Variants in ASAP1 observed in about 807,000 individuals in gnomAD.
ASAP1 encodes ArfGAP with SH3 domain, ankyrin repeat and PH domain 1, also known as arf-GAP with SH3 domain, ANK repeat and PH domain-containing protein 1.
A neutral mutation model predicts 145.2 loss-of-function variants in ASAP1; 43 were observed. The observed-to-expected ratio is 0.30, with a 90% CI of 0.23 to 0.38. ASAP1 has a LOEUF of 0.38. Ranked by LOEUF, ASAP1 falls within the 10% of genes least tolerant of loss-of-function variation. ASAP1 has a pLI of 1.00. For synonymous variants in ASAP1, 546 were observed against 515.5 expected (o/e 1.06, Z -0.80); for missense variants, 1,018 against 1,355.3 (o/e 0.75, Z 3.91).
chr8:130,068,030 TTGGATTCCTATG>T (rs1388326668), intron 27 of ASAP1, among the ~76,000 whole-genome samples: 1 of 152,162 alleles, frequency 6.6e-6, no homozygotes, highest in Middle Eastern at 3.2e-3. Flanking sequence ...TCAGGAATCT[TTGGATTCCTATG>T]TGGCCATGTG....
intron 3 of ASAP1, among the ~76,000 whole-genome samples, chr8:130,354,080 T>C (rs1826160947): frequency 6.6e-6 from 1 of 151,954 alleles, no homozygotes; most frequent in Admixed American, 6.6e-5. Context: ...TTAGTAGAGA[T>C]GGGGTTTCAC....
intron 25 of ASAP1, among the ~76,000 whole-genome samples, chr8:130,090,811 C>T (rs776859986): frequency 6.6e-6 from 1 of 152,144 alleles, no homozygotes; most frequent in East Asian, 1.9e-4. Context: ...ACACATAACC[C>T]GGGGTGTCTG....
intron 3 of ASAP1, among the ~76,000 whole-genome samples, chr8:130,293,047 T>C (rs536416660): frequency 1.3e-5 from 2 of 152,366 alleles, no homozygotes; most frequent in South Asian, 2.1e-4. Context: ...TCAGCCCTAA[T>C]TGGCAGCCCT....
chr8:130,381,343 A>G (rs907831781), intron 2 of ASAP1, among the ~76,000 whole-genome samples: 2 of 152,172 alleles, frequency 1.3e-5, no homozygotes, highest in Non-Finnish European at 2.9e-5. Context: ...TTAATAACAT[A>G]TGTCATTTAA....
At chr8:130,266,220 G>C (rs1170431516) in intron 3 of ASAP1, among the ~76,000 whole-genome samples, 1 of 152,140 alleles carries the variant, frequency 6.6e-6, no homozygotes, top group African/African-American at 2.4e-5. Context: ...CTAAGGTGGG[G>C]GTAGGAGTGA....
chr8:130,273,277 C>A (rs145648401), intron 3 of ASAP1, among the ~76,000 whole-genome samples: 14 of 151,968 alleles, frequency 9.2e-5, no homozygotes, highest in African/African-American at 3.4e-4. Context: ...TGAAGAAAGC[C>A]CATATGCTAA....
Position 130,248,120 on chromosome 8 carries a change from C to G in ASAP1, c.187-11126G>C, listed in dbSNP as rs77619464. 7.8e-3 allele frequency among the ~76,000 whole-genome samples: 1,188 copies of G among 151,956 alleles called. 17 individuals carry two copies. The highest frequency in any genetic ancestry group is 0.027 in the African/African-American group (1,135 of 41,440). ...GGAAAGAAAATAGGAGCTTACTTAT[C>G]AAAGAGGAATAGTTTATCTACCTGG... is the stretch of plus-strand genomic sequence containing the variant. On this transcript the variant is annotated intron_variant, in intron 3 of 29. Coordinates refer to ENST00000518721, the MANE Select transcript of ASAP1 (RefSeq NM_018482.4).
chr8:130,166,698 T>C (rs1238498453), intron 11 of ASAP1, among the ~76,000 whole-genome samples: 1 of 152,122 alleles, frequency 6.6e-6, no homozygotes, highest in Non-Finnish European at 1.5e-5. Flanking sequence ...GAACTGTGCC[T>C]GGCACACAGC....
chr8:130,389,524 T>C (rs1157793063), intron 2 of ASAP1, among the ~76,000 whole-genome samples: 2 of 152,172 alleles, frequency 1.3e-5, no homozygotes, highest in Non-Finnish European at 2.9e-5. Context: ...TAAAGTGATG[T>C]GGTTGTGCTA....
chr8:130,146,725 T>C (rs1180695480), intron 13 of ASAP1, among the ~76,000 whole-genome samples: 2 of 152,112 alleles, frequency 1.3e-5, no homozygotes, highest in Non-Finnish European at 1.5e-5. Context: ...GCGCTCTGGA[T>C]GGGGCAAGAA....
At chr8:130,319,389 G>A (rs899704422) in intron 3 of ASAP1, among the ~76,000 whole-genome samples, 1 of 152,212 alleles carries the variant, frequency 6.6e-6, no homozygotes, top group African/African-American at 2.4e-5. Context: ...AGTGAATGAA[G>A]ACTAAAAACC....
intron 3 of ASAP1, among the ~76,000 whole-genome samples, chr8:130,344,945 G>C (rs961553622): frequency 6.6e-6 from 1 of 152,154 alleles, no homozygotes; most frequent in African/African-American, 2.4e-5. Context: ...TATTGTTTTA[G>C]TTACAAATTA....
intron 4 of ASAP1, among the ~76,000 whole-genome samples, chr8:130,222,205 A>C (rs1817332823): frequency 1.3e-5 from 2 of 152,238 alleles, no homozygotes; most frequent in South Asian, 4.1e-4. Context: ...CAAAACTTTC[A>C]GAACCACAGC....
intron 1 of ASAP1, among the ~76,000 whole-genome samples, chr8:130,425,550 T>C (rs1221520576): frequency 1.3e-5 from 2 of 152,046 alleles, no homozygotes; most frequent in South Asian, 4.1e-4. Context: ...AGCATGGGTC[T>C]CATGAAGCTC....
intron 4 of ASAP1, among the ~76,000 whole-genome samples, chr8:130,217,537 T>TACACAC (rs71302402): frequency 0.083 from 12,369 of 148,868 alleles, 544 homozygotes; most frequent in African/African-American, 0.12. Context: ...TGTATATATG[T>TACACAC]ACACACACAC....
At chr8:130,202,462 G>A (rs991856617) in intron 5 of ASAP1, among the ~76,000 whole-genome samples, 2 of 152,186 alleles carry the variant, frequency 1.3e-5, no homozygotes, top group African/African-American at 2.4e-5. Flanking sequence ...TGGGCACTTG[G>A]TAACTGCTGG....
chr8:130,235,501 T>G (rs1239458990), intron 4 of ASAP1, among the ~76,000 whole-genome samples: 1 of 152,074 alleles, frequency 6.6e-6, no homozygotes, highest in African/African-American at 2.4e-5. Flanking sequence ...AGAGCTAGTA[T>G]CAAACATAAG....
At position 130,358,108 on chromosome 8, in the gene ASAP1, G is replaced by A; in HGVS notation, c.95C>T (p.Ala32Val). 1 of 1,609,622 alleles carries A rather than the reference G, an allele frequency of 6.2e-7. No homozygotes were observed. The highest frequency in any genetic ancestry group is 8.5e-7 in the Non-Finnish European group (1 of 1,178,684). Residue 32 changes from alanine to valine, a missense_variant, in exon 3 of 30, where the codon GCC (alanine) becomes GTC (valine). Ala to Val is a moderately conservative substitution (Grantham distance 64). This residue lies in a region of ASAP1 where 106 missense variants were observed against 134.5 expected (regional missense o/e 0.79). Coordinates refer to ENST00000518721, the MANE Select transcript of ASAP1 (RefSeq NM_018482.4). This position sits in a 1 kb window ranked among gnomAD's most constrained non-coding sequence, Gnocchi z 4.1. ...CGAGTTGTAGTCCTCGGTGGTCTCG[G>A]CGATGAACTCCGAGACAGAGATCTG... ...PDQISVSEFI[A>V]ETTEDYNSPT...
chr8:130,213,484 C>T (rs1055732641), intron 5 of ASAP1, among the ~76,000 whole-genome samples: 3 of 152,074 alleles, frequency 2.0e-5, no homozygotes, highest in Non-Finnish European at 4.4e-5. Context: ...TGGATTATGA[C>T]AAATTATCAC....
Sources: allele counts gnomAD v4.1 joint callset (sites outside exome capture counted in the v4.1 genomes callset), GRCh38; gene constraint gnomAD v4.1.1; regional missense constraint gnomAD v4.1.1; non-coding constraint Gnocchi (gnomAD v3.1); transcripts MANE v1.5; gene names NCBI Gene and HGNC (gene_info 2026-07-23, HGNC 2026-07-21).